Variants in RBFOX1 observed in about 807,000 individuals in gnomAD.
RBFOX1 encodes the protein RNA binding protein fox-1 homolog 1.
A neutral mutation model predicts 57.7 loss-of-function variants in RBFOX1; 8 were observed. The ratio of observed to expected loss-of-function variants is 0.14; its 90% CI spans 0.08 to 0.25. The LOEUF (loss-of-function observed/expected upper bound fraction) is 0.25. RBFOX1 is among the 10% of genes least tolerant of loss of function. The probability of loss-of-function intolerance (pLI) is 1.00; values close to 1 mark genes in which losing one functional copy is unlikely to be tolerated. For missense variants in RBFOX1, 611 were observed against 548.5 expected (o/e 1.11, Z -1.14); for synonymous variants, 326 against 222.4 (o/e 1.47, Z -4.15).
chr16:7,676,920 G>A (rs1226734295), intron 14 of RBFOX1, 82 bp downstream of exon 14: 9 of 1,385,940 alleles, frequency 6.5e-6, no homozygotes, highest in Non-Finnish European at 8.2e-6. Flanking sequence ...TATGGTCTTG[G>A]TGAAACTGCA....
intron 4 of RBFOX1, among the ~76,000 whole-genome samples, chr16:5,965,419 A>G (rs1264184165): frequency 2.0e-5 from 3 of 152,122 alleles, no homozygotes; most frequent in African/African-American, 7.2e-5. Context: ...TTAAATATAT[A>G]CGATTTTTAT....
At chr16:6,208,539 C>G (rs1243213940) in intron 1 of RBFOX1, among the ~76,000 whole-genome samples, 1 of 152,164 alleles carries the variant, frequency 6.6e-6, no homozygotes, top group Non-Finnish European at 1.5e-5. Context: ...GGGACTCTTA[C>G]AGACACAATT....
chr16:7,069,267 A>C (rs977503013), intron 4 of RBFOX1, among the ~76,000 whole-genome samples: 1 of 152,188 alleles, frequency 6.6e-6, no homozygotes, highest in Non-Finnish European at 1.5e-5. Context: ...AACATGTGCC[A>C]TGGTGTTTTG....
intron 1 of RBFOX1, among the ~76,000 whole-genome samples, chr16:5,279,431 C>G (rs1375790012): frequency 1.3e-5 from 2 of 152,020 alleles, no homozygotes; most frequent in African/African-American, 2.4e-5. Flanking sequence ...AGAAACATTA[C>G]TGATTTTTGT....
At chr16:7,064,497 T>A (rs1295409656) in intron 4 of RBFOX1, among the ~76,000 whole-genome samples, 1 of 151,788 alleles carries the variant, frequency 6.6e-6, no homozygotes, top group Non-Finnish European at 1.5e-5. Context: ...AAGAGGAGAT[T>A]AGGACATAGA....
chr16:7,193,637 C>G (rs58627317), intron 4 of RBFOX1, among the ~76,000 whole-genome samples: 3,801 of 152,290 alleles, frequency 0.025, 163 homozygotes, highest in African/African-American at 0.086. Context: ...TGCTTTATAA[C>G]TGAGGATACT....
Position 5,392,411 on chromosome 16 carries a change from C to T in RBFOX1, c.220-74805C>T, listed in dbSNP as rs490364. Among the ~76,000 whole-genome samples the T allele has an allele frequency of 2.0e-3, 308 of 152,180 alleles. 3 individuals are homozygous for T. Among genetic ancestry groups the T allele is most frequent in the African/African-American group, 7.1e-3 (294 of 41,516 alleles). The stretch of plus-strand genomic sequence containing the variant: ...CCAAATAAAGTCGCATTCATTGGTA[C>T]TGGAGGTAATACTTGGATATCTTTA... On this transcript the variant is annotated intron_variant, in intron 1 of 2. Transcript: ENST00000585867.
intron 1 of RBFOX1, among the ~76,000 whole-genome samples, chr16:6,301,605 G>A (rs1055410105): frequency 6.6e-6 from 1 of 152,108 alleles, no homozygotes. Context: ...ACCCGTGTCT[G>A]AGGAGGTGTG....
chr16:6,349,352 G>A (rs2085897634), intron 2 of RBFOX1, among the ~76,000 whole-genome samples: 1 of 152,144 alleles, frequency 6.6e-6, no homozygotes, highest in African/African-American at 2.4e-5. Context: ...AGATGTGCAA[G>A]CCATGTTTAC....
chr16:6,021,699 C>T (rs1012169438), intron 1 of RBFOX1, among the ~76,000 whole-genome samples: 1 of 152,182 alleles, frequency 6.6e-6, no homozygotes, highest in Non-Finnish European at 1.5e-5. Context: ...GAGAGTGGAG[C>T]TTTATGGCTC....
At chr16:5,387,168 T>G (rs1808159637) in intron 1 of RBFOX1, among the ~76,000 whole-genome samples, 1 of 152,238 alleles carries the variant, frequency 6.6e-6, no homozygotes, top group Admixed American at 6.5e-5. Context: ...GACAGGTTTC[T>G]GTTTGTATCA....
intron 2 of RBFOX1, among the ~76,000 whole-genome samples, chr16:6,447,292 T>C (rs2094503729): frequency 6.6e-6 from 1 of 152,170 alleles, no homozygotes; most frequent in South Asian, 2.1e-4. Flanking sequence ...TGAAAGGGAT[T>C]TGGAAATGCC....
At chr16:7,697,107 C>T (rs2079036195) in intron 14 of RBFOX1, among the ~76,000 whole-genome samples, 1 of 152,146 alleles carries the variant, frequency 6.6e-6, no homozygotes, top group Non-Finnish European at 1.5e-5. Context: ...TCAGATAAGA[C>T]TGCTTTGTGG....
intron 3 of RBFOX1, among the ~76,000 whole-genome samples, chr16:6,921,862 A>G (rs554419083): frequency 3.3e-5 from 5 of 152,100 alleles, no homozygotes; most frequent in African/African-American, 1.2e-4. Context: ...AGCAAGTCCC[A>G]GGTCTACCCA....
intron 3 of RBFOX1, among the ~76,000 whole-genome samples, chr16:5,714,872 A>G (rs759700180): frequency 3.3e-5 from 5 of 152,302 alleles, no homozygotes; most frequent in Admixed American, 2.6e-4. Context: ...TCACGTAGCT[A>G]GTAGACATCT....
At chr16:6,487,635 C>G (rs901740645) in intron 2 of RBFOX1, among the ~76,000 whole-genome samples, 3 of 130,050 alleles carry the variant, frequency 2.3e-5, no homozygotes, top group Non-Finnish European at 4.7e-5. Flanking sequence ...TATAGTAGAA[C>G]TAGTGTTTTC....
chr16:6,385,522 G>T (rs1351785668), intron 2 of RBFOX1, among the ~76,000 whole-genome samples: 2 of 152,156 alleles, frequency 1.3e-5, no homozygotes, highest in African/African-American at 4.8e-5. Context: ...ACCACACCCG[G>T]ATAATTTTTG....
At chr16:7,256,223 C>T (rs1345673988) in intron 4 of RBFOX1, among the ~76,000 whole-genome samples, 1 of 152,102 alleles carries the variant, frequency 6.6e-6, no homozygotes, top group Admixed American at 6.5e-5. Context: ...TCTTTACTCC[C>T]TTGCCTTCCA....
Position 5,268,803 on chromosome 16 carries a change from G to A in RBFOX1, c.219+28698G>A, listed in dbSNP as rs554836129. On this transcript the variant is annotated intron_variant, in intron 1 of 2. Transcript: ENST00000585867. ...TCATTTGGTAACTCTATGTAGAATT[G>A]TTTGGGAAGTTGTTAAACTGTTTCT... 2.6e-5 allele frequency among the ~76,000 whole-genome samples: 4 copies of A among 152,288 alleles called. No individual in the cohort carries two copies. The South Asian group carries it at 8.3e-4, about 32-fold the overall frequency.
Sources: allele counts gnomAD v4.1 joint callset (sites outside exome capture counted in the v4.1 genomes callset), GRCh38; gene constraint gnomAD v4.1.1; transcripts MANE v1.5; gene names NCBI Gene and HGNC (gene_info 2026-07-23, HGNC 2026-07-21).